The following PJVK variants were observed in gnomAD, a reference collection of about 807,000 sequenced individuals.
PJVK encodes autosomal recessive deafness type 59 protein.
PJVK carries 33 observed loss-of-function variants against 37.6 expected under a neutral mutation model. The observed-to-expected ratio is 0.88, with a 90% CI of 0.67 to 1.17. PJVK has a LOEUF of 1.17. Among genes scored for constraint, PJVK ranks in the 50% most tolerant of loss-of-function variants. The pLI, the probability that PJVK is intolerant of heterozygous loss-of-function variation, is 0.00. For missense variants in PJVK, 410 were observed against 413.8 expected (o/e 0.99, Z 0.08); for synonymous variants, 141 against 143.5 (o/e 0.98, Z 0.13).
At position 178,458,558 on chromosome 2, in the gene PJVK, G is replaced by A. The variant is rs1684272736; in HGVS notation, c.598G>A (p.Val200Ile). Reference protein sequence around the residue: ...QNPKGRDKAIVFPAHTTIAFS... With the variant: ...QNPKGRDKAIIFPAHTTIAFS... ...TCCCAAGGGAAGGGACAAAGCTATT[G>A]TTTTCCCAGCACATACAACCATAGC... The change falls in exon 5 of 7, where the codon GTT becomes ATT. Residue 200 changes from valine (V) to isoleucine (I), a missense_variant. Transcript: ENST00000644580. 1.2e-6 allele frequency: 2 copies of A among 1,613,916 alleles called. No homozygotes were observed. The highest frequency in any genetic ancestry group is 1.3e-5 in the African/African-American group (1 of 74,906).
Position 178,456,168 on chromosome 2 carries a change from G to C in PJVK, c.549+17G>C, listed in dbSNP as rs1196405922. The C allele has an allele frequency of 6.2e-7, 1 of 1,612,618 alleles. No individual in the cohort carries two copies. The highest frequency in any genetic ancestry group is 8.5e-7 in the Non-Finnish European group (1 of 1,179,306). ...GCAATGCGGGTAAACCACACTTGTT[G>C]GGTTCTCTTACTAACTAAAGTGTTG... On this transcript the variant is annotated intron_variant, in intron 4 of 6. Coordinates refer to ENST00000644580, the MANE Select transcript of PJVK (RefSeq NM_001042702.5).
intron 3 of PJVK, chr2:178,455,501 G>A: frequency 1.1e-6 from 1 of 917,992 alleles, no homozygotes; most frequent in Non-Finnish European, 1.8e-6. Context: ...CTCTTCTCTG[G>A]GACTTGTGGG....
intron 4 of PJVK, among the ~76,000 whole-genome samples, chr2:178,457,966 C>T (rs1389541629): frequency 1.3e-5 from 2 of 152,074 alleles, no homozygotes; most frequent in Admixed American, 1.3e-4. Flanking sequence ...GGATTAAAAC[C>T]AATTGTTAGA....
rs1442419051 is a variant in PJVK, at chr2:178,460,377, G to A, written c.697G>A (p.Gly233Arg). Residue 233 changes from glycine (G) to arginine (R), a missense_variant, in exon 6 of 7, where the codon GGA (glycine) becomes AGA (arginine). Physicochemically the swap from Gly to Arg is moderately radical, Grantham distance 125 (BLOSUM62 -2). Transcript: ENST00000644580. Reference sequence around the variant, plus strand: ...TTGTGTCACTTCAGTGTCAAAAGGAGGATTTGAAAGGGAAGAAACGGCAAC... The same window carrying A: ...TTGTGTCACTTCAGTGTCAAAAGGAAGATTTGAAAGGGAAGAAACGGCAAC... ...DLCVTSVSKG[G>R]FEREETATFA... The A allele has an allele frequency of 6.2e-7, 1 of 1,613,916 alleles. No individual in the cohort carries two copies. Among genetic ancestry groups the A allele is most frequent in the African/African-American group, 1.3e-5 (1 of 74,918 alleles).
intron 5 of PJVK, chr2:178,460,119 G>T: frequency 2.0e-6 from 1 of 507,596 alleles, no homozygotes; most frequent in Non-Finnish European, 3.5e-6. Flanking sequence ...CTAAGCCCCT[G>T]AGGTAGAAGA....
intron 4 of PJVK, among the ~76,000 whole-genome samples, chr2:178,457,680 G>A (rs1248291349): frequency 1.3e-5 from 2 of 152,250 alleles, no homozygotes; most frequent in South Asian, 4.1e-4. Flanking sequence ...CTAGGGGCCC[G>A]GGGCCACGGG....
At position 178,461,079 on chromosome 2, in the gene PJVK, A is replaced by G. The variant is rs1263223895; in HGVS notation, c.864A>G (p.Ser288=). Residue 288 remains serine (S), a synonymous_variant, in exon 7 of 7, where the codon TCA becomes TCG. Coordinates refer to ENST00000644580, the MANE Select transcript of PJVK (RefSeq NM_001042702.5). ...AACCTCTCAGCATGACTGATATTTC[A>G]CTCAAAGAAGGGACCCATATCCGAG... ...YDKPLSMTDI[S]LKEGTHIRVN... 6.2e-7 allele frequency: 1 copy of G among 1,613,994 alleles called. No homozygotes were observed. The highest frequency in any genetic ancestry group is 1.7e-5 in the Admixed American group (1 of 60,004).
Position 178,453,393 on chromosome 2 carries a change from G to C in PJVK, c.-17G>C, listed in dbSNP as rs1422317354. The C allele has an allele frequency of 1.9e-6, 3 of 1,613,716 alleles. No individual in the cohort carries two copies. The highest frequency in any genetic ancestry group is 1.7e-5 in the Admixed American group (1 of 60,006). ...GATTTATCTGGGGGTTGCAGTTGATGACGTTTTGATTTTAATATGTTTGCT... is the reference window on the plus strand; with the variant it reads ...GATTTATCTGGGGGTTGCAGTTGATCACGTTTTGATTTTAATATGTTTGCT... On this transcript the variant is annotated 5_prime_UTR_variant, in exon 2 of 7. An upstream start codon of the reference 5' UTR is lost. Transcript: ENST00000644580.
At position 178,451,748 on chromosome 2, in the gene PJVK, T is replaced by C. The variant is rs913250691; in HGVS notation, c.-44T>C. 1.0e-5 allele frequency: 10 copies of C among 985,204 alleles called. No individual in the cohort carries two copies. The highest frequency in any genetic ancestry group is 1.2e-5 in the Non-Finnish European group (10 of 829,840). The allele number at this position is 985,204 out of a possible 1,614,324, so 61.0% of individuals were successfully genotyped here. On this transcript the variant is annotated 5_prime_UTR_variant, in exon 1 of 7. Transcript: ENST00000644580. ...GCGGGCTCCTTTGTCTTCTGGGCTT[T>C]CGTCGCGAGATGGAACGCTGGGTCA...
At chr2:178,456,766 CAAAA>C (rs140308048) in intron 4 of PJVK, among the ~76,000 whole-genome samples, 4,484 of 149,974 alleles carry the variant, frequency 0.03, 199 homozygotes, top group African/African-American at 0.098. Context: ...GACTCCGTCT[CAAAA>C]AAACAAAACA....
At chr2:178,458,318 T>C (rs1184517452) in intron 4 of PJVK, among the ~76,000 whole-genome samples, 192 bp from the exon 5 acceptor site, 1 of 152,180 alleles carries the variant, frequency 6.6e-6, no homozygotes, top group Non-Finnish European at 1.5e-5. Flanking sequence ...TATTTCCTAA[T>C]ATAGACCAGG....
chr2:178,452,701 A>AGG, intron 1 of PJVK: 1 of 917,646 alleles, frequency 1.1e-6, no homozygotes, highest in East Asian at 1.2e-4. Flanking sequence ...AAAGAGAGAG[A>AGG]GTCTGTGTGC....
chr2:178,458,591 G>A lies in PJVK; in HGVS notation c.631G>A (p.Val211Ile). The A allele has an allele frequency of 1.2e-6, 2 of 1,614,034 alleles. No individual in the cohort carries two copies. The highest frequency in any genetic ancestry group is 1.7e-6 in the Non-Finnish European group (2 of 1,179,924). The change falls in exon 5 of 7, where the codon GTT (valine) becomes ATT (isoleucine). Residue 211 changes from valine to isoleucine, a missense_variant. Transcript: ENST00000644580. ...AGCACATACAACCATAGCTTTCAGT[G>A]TTTTTGAACTCTTCATATACCTGGA... ...FPAHTTIAFSVFELFIYLDGA... is the reference protein window; with the variant it reads ...FPAHTTIAFSIFELFIYLDGA...
At chr2:178,457,568 A>G (rs749405257) in intron 4 of PJVK, among the ~76,000 whole-genome samples, 6 of 128,532 alleles carry the variant, frequency 4.7e-5, no homozygotes, top group Non-Finnish European at 6.5e-5. Context: ...AGAATTTGGG[A>G]GGCTTTGAAA....
rs1361083590 is a variant in PJVK at position 178,461,122 on chromosome 2, A to G, written c.907A>G (p.Asn303Asp). The change falls in exon 7 of 7, where the codon AAC becomes GAC. Residue 303 changes from asparagine (N) to aspartate (D), a missense_variant. Physicochemically the swap from Asn to Asp is conservative, Grantham distance 23 (BLOSUM62 1). Transcript: ENST00000644580. ...THIRVNLLNH[N>D]IPKGPCILCG... ...TATCCGAGTTAACTTACTTAATCAC[A>G]ACATTCCCAAAGGGCCTTGCATACT... is the stretch of plus-strand genomic sequence containing the variant. The G allele has an allele frequency of 1.2e-6, 2 of 1,614,156 alleles. No homozygotes were observed. The highest frequency in any genetic ancestry group is 1.7e-5 in the Admixed American group (1 of 60,016).
chr2:178,453,289 T>C, intron 1 of PJVK, 99 bp from the exon 2 acceptor site: 2 of 1,032,006 alleles, frequency 1.9e-6, no homozygotes, highest in Non-Finnish European at 2.9e-6. Context: ...GAAACCATGC[T>C]TTGTATTTTT....
rs1697927783 is a variant in PJVK at position 178,454,510 on chromosome 2, C to CAT, written c.391_392insTA (p.Lys131IlefsTer15). ...ATGAAGTGGAAGTATCAACATTACT[C>CAT]AAAGAAATTACTACACGGTCAGTAT... is the stretch of plus-strand genomic sequence containing the variant. On this transcript the variant is annotated frameshift_variant, in exon 3 of 7. Coordinates refer to ENST00000644580, the MANE Select transcript of PJVK (RefSeq NM_001042702.5). LOFTEE classifies it high-confidence loss of function. 11 of 1,613,576 alleles carry CAT rather than the reference C, an allele frequency of 6.8e-6. No individual in the cohort carries two copies. Among genetic ancestry groups the CAT allele is most frequent in the Non-Finnish European group, 8.5e-6 (10 of 1,179,874 alleles).
At position 178,451,757 on chromosome 2, in the gene PJVK, G is replaced by A. The variant is rs1697678083; in HGVS notation, c.-35G>A. The A allele has an allele frequency of 1.0e-6, 1 of 985,444 alleles. No homozygotes were observed. The highest frequency in any genetic ancestry group is 1.2e-6 in the Non-Finnish European group (1 of 829,928). 61.0% of individuals were successfully genotyped at this position (985,444 alleles called of 1,614,324 possible). ...TTTGTCTTCTGGGCTTTCGTCGCGA[G>A]ATGGAACGCTGGGTCAGTGCATCCC... On this transcript the variant is annotated 5_prime_UTR_variant, in exon 1 of 7. Transcript: ENST00000644580.
rs552154312 is a variant in PJVK at position 178,454,828 on chromosome 2, A to G, written c.407+301A>G. The G allele has an allele frequency of 3.9e-6, 5 of 1,284,430 alleles. No homozygotes were observed. In the East Asian group the frequency reaches 6.9e-5, roughly 18 times the overall value. The allele number at this position is 1,284,430 out of a possible 1,614,324, so 79.6% of individuals were successfully genotyped here. On this transcript the variant is annotated intron_variant, in intron 3 of 6. Transcript: ENST00000644580. ...GCAGAGAATCATGAGGCCCAGATCA[A>G]GAATGGCAGCCTTGACTCCCCAGGG...
Sources: allele counts gnomAD v4.1 joint callset (sites outside exome capture counted in the v4.1 genomes callset), GRCh38; gene constraint gnomAD v4.1.1; transcripts MANE v1.5; gene names NCBI Gene and HGNC (gene_info 2026-07-23, HGNC 2026-07-21).